Variants in RPSA2 observed in about 807,000 individuals in gnomAD.
The protein encoded by RPSA2 is small ribosomal subunit protein uS2B.
chr19:23,805,680 A>C, the RPSA2 span, among the ~76,000 whole-genome samples: 1 of 152,142 alleles, frequency 6.6e-6, no homozygotes, highest in Non-Finnish European at 1.5e-5. Flanking sequence ...AGAAAAAATG[A>C]CTTTTTTTCA....
At chr19:23,827,475 C>T in the RPSA2 span, 9 of 1,586,652 alleles carry the variant, frequency 5.7e-6, no homozygotes, top group East Asian at 1.3e-4. Context: ...CGCTTCACTC[C>T]TGGAACCTTC....
the RPSA2 span, among the ~76,000 whole-genome samples, chr19:23,767,199 CCCAAAGATTTG>C: frequency 6.6e-6 from 1 of 152,110 alleles, no homozygotes; most frequent in African/African-American, 2.4e-5. Flanking sequence ...GCCTCGCCCT[CCCAAAGATTTG>C]GGGTTACAGG....
the RPSA2 span, among the ~76,000 whole-genome samples, chr19:23,766,155 T>C: frequency 1.0e-5 from 1 of 99,768 alleles, no homozygotes; most frequent in Non-Finnish European, 2.1e-5. Context: ...TTTTTTTTTT[T>C]TTTTTTTTTT....
the RPSA2 span, among the ~76,000 whole-genome samples, chr19:23,816,968 A>G: frequency 3.3e-5 from 5 of 152,178 alleles, no homozygotes; most frequent in Admixed American, 3.3e-4. Context: ...CAGCCAAACC[A>G]TATTATTTTA....
chr19:23,761,736 C>G, the RPSA2 span, among the ~76,000 whole-genome samples: 2 of 151,720 alleles, frequency 1.3e-5, no homozygotes, highest in Admixed American at 1.3e-4. Context: ...TGGCCATGTT[C>G]AATTAGAAAA....
the RPSA2 span, among the ~76,000 whole-genome samples, chr19:23,830,608 T>A: frequency 1.4e-4 from 22 of 152,150 alleles, no homozygotes; most frequent in Non-Finnish European, 2.4e-4. Context: ...TAGTTTTTTT[T>A]AAATTTTTTT....
the RPSA2 span, among the ~76,000 whole-genome samples, chr19:23,852,594 G>A: frequency 1.7e-4 from 24 of 143,668 alleles, no homozygotes; most frequent in Admixed American, 1.1e-3. Context: ...TTTTGTTTGC[G>A]GCTTAAGAAT....
At chr19:23,809,676 AACTTAT>A in the RPSA2 span, among the ~76,000 whole-genome samples, 1,111 of 152,082 alleles carry the variant, frequency 7.3e-3, 14 homozygotes, top group African/African-American at 0.025. Context: ...ATGGAACCAT[AACTTAT>A]ACTTGTATGT....
At chr19:23,863,358 G>A in the RPSA2 span, among the ~76,000 whole-genome samples, 4 of 152,120 alleles carry the variant, frequency 2.6e-5, no homozygotes, top group African/African-American at 9.7e-5. Context: ...AAGGTCAAGA[G>A]TTCAAGACCA....
At chr19:23,835,439 G>A in the RPSA2 span, among the ~76,000 whole-genome samples, 16 of 152,146 alleles carry the variant, frequency 1.1e-4, no homozygotes, top group Non-Finnish European at 2.1e-4. Flanking sequence ...TAATTCACTA[G>A]AAAACAAAAA....
chr19:23,834,078 A>T, the RPSA2 span, among the ~76,000 whole-genome samples: 2 of 152,128 alleles, frequency 1.3e-5, no homozygotes, highest in African/African-American at 4.8e-5. Context: ...AAATATCAGA[A>T]TAATCCACAG....
chr19:23,841,095 C>T, the RPSA2 span, among the ~76,000 whole-genome samples: 1 of 152,042 alleles, frequency 6.6e-6, no homozygotes, highest in South Asian at 2.1e-4. Flanking sequence ...TCACAGAAGT[C>T]ATGTTGCATC....
chr19:23,832,599 C>G, the RPSA2 span: 1 of 1,281,180 alleles, frequency 7.8e-7, no homozygotes, highest in South Asian at 1.3e-5. Context: ...CCATACCTTA[C>G]TACACATAAG....
the RPSA2 span, among the ~76,000 whole-genome samples, chr19:23,855,546 A>C: frequency 1.3e-5 from 2 of 152,178 alleles, no homozygotes; most frequent in Non-Finnish European, 2.9e-5. Flanking sequence ...TGGCATAATA[A>C]GCGTTGGGTG....
the RPSA2 span, among the ~76,000 whole-genome samples, chr19:23,792,302 CT>C: frequency 1.3e-5 from 2 of 152,138 alleles, no homozygotes; most frequent in African/African-American, 4.8e-5. Flanking sequence ...GGCCCAGTTC[CT>C]TTTGGGGAAC....
the RPSA2 span, chr19:23,818,559 G>C: frequency 2.0e-5 from 3 of 152,466 alleles, no homozygotes; most frequent in African/African-American, 7.2e-5. Flanking sequence ...CATTTCTGTA[G>C]ATTTCCGAGC....
At chr19:23,841,087 A>G in the RPSA2 span, among the ~76,000 whole-genome samples, 1 of 151,968 alleles carries the variant, frequency 6.6e-6, no homozygotes, top group Non-Finnish European at 1.5e-5. Context: ...CAGTAATCTC[A>G]CAGAAGTCAT....
chr19:23,821,180 TACTC>T, the RPSA2 span, among the ~76,000 whole-genome samples: 1 of 152,236 alleles, frequency 6.6e-6, no homozygotes, highest in Non-Finnish European at 1.5e-5. Context: ...CTCAGTGCGA[TACTC>T]AGGTGGTTAG....
At chr19:23,856,296 A>C in the RPSA2 span, among the ~76,000 whole-genome samples, 1 of 152,128 alleles carries the variant, frequency 6.6e-6, no homozygotes, top group Non-Finnish European at 1.5e-5. Context: ...TTACACCAAC[A>C]CGATCCCATA....
Sources: allele counts gnomAD v4.1 joint callset (sites outside exome capture counted in the v4.1 genomes callset), GRCh38; gene constraint gnomAD v4.1.1; transcripts MANE v1.5; gene names NCBI Gene and HGNC (gene_info 2026-07-23, HGNC 2026-07-21).